RMI1: variants seen among roughly 807,000 people sequenced by gnomAD.
The protein encoded by RMI1 is RecQ mediated genome instability 1.
RMI1 carries 36 observed loss-of-function variants against 46.7 expected under a neutral mutation model. The ratio of observed to expected loss-of-function variants is 0.77; its 90% confidence interval spans 0.59 to 1.02. The LOEUF (loss-of-function observed/expected upper bound fraction) is 1.02, where lower values mean the gene tolerates loss of function less well. Ranked by LOEUF, RMI1 falls within the 50% of genes least tolerant of loss-of-function variation. RMI1 has a pLI of 0.00. For synonymous variants in RMI1, 250 were observed against 252.9 expected (o/e 0.99, Z 0.11); for missense variants, 676 against 713.7 (o/e 0.95, Z 0.60).
At chr9:83,999,183 T>A (rs200775948) in intron 1 of RMI1, among the ~76,000 whole-genome samples, 75 of 108,608 alleles carry the variant, frequency 6.9e-4, no homozygotes, top group South Asian at 5.7e-4. Flanking sequence ...TAGAATAAAA[T>A]AAAATAAAAA....
At position 84,002,969 on chromosome 9, in the gene RMI1, T is replaced by C. The variant is rs1395401781; in HGVS notation, c.*105T>C. 1.5e-6 allele frequency: 1 copy of C among 666,628 alleles called. No individual in the cohort carries two copies. The highest frequency in any genetic ancestry group is 2.8e-5 in the East Asian group (1 of 35,736). 41.3% of individuals were successfully genotyped at this position (666,628 alleles called of 1,614,324 possible). On this transcript the variant is annotated 3_prime_UTR_variant, in exon 3 of 3. Transcript: ENST00000445877. Reference sequence around the variant, plus strand: ...TTTGTGTAAAAAGGAAAAATGAAATTTCATAGCTTATTTCAGTTTAATTTT... The same window carrying C: ...TTTGTGTAAAAAGGAAAAATGAAATCTCATAGCTTATTTCAGTTTAATTTT...
At position 84,001,994 on chromosome 9, in the gene RMI1, G is replaced by C; in HGVS notation, c.1008G>C (p.Leu336Phe). Residue 336 changes from leucine (L) to phenylalanine (F), a missense_variant, in exon 3 of 3, where the codon TTG becomes TTC. Physicochemically the swap from Leu to Phe is conservative, Grantham distance 22 (BLOSUM62 0). Transcript: ENST00000445877. ...AAGAACAGATGGAAACTAAGGAATT[G>C]CAACCATTGACTTTTAACAGAAATG... ...VQKEQMETKE[L>F]QPLTFNRNAD... is the part of the protein sequence containing the mutation. 1 of 1,614,072 alleles carries C rather than the reference G, an allele frequency of 6.2e-7. No individual in the cohort carries two copies. The highest frequency in any genetic ancestry group is 1.1e-5 in the South Asian group (1 of 91,078).
chr9:83,990,720 T>A (rs927219880), intron 1 of RMI1, among the ~76,000 whole-genome samples: 2 of 152,350 alleles, frequency 1.3e-5, no homozygotes, highest in East Asian at 3.9e-4. Context: ...ATATCATGTG[T>A]ACTCCATATA....
At chr9:83,981,897 G>A (rs565444016) in intron 1 of RMI1, among the ~76,000 whole-genome samples, 39 of 152,278 alleles carry the variant, frequency 2.6e-4, no homozygotes, top group Non-Finnish European at 4.3e-4. Flanking sequence ...GCGCACTGAG[G>A]ATTTCATGAC....
intron 1 of RMI1, among the ~76,000 whole-genome samples, chr9:83,987,084 G>T (rs1207941752): frequency 1.3e-5 from 2 of 150,428 alleles, no homozygotes; most frequent in South Asian, 2.2e-4. Flanking sequence ...TTCGCTTTCC[G>T]ATGGAGTCTC....
intron 1 of RMI1, among the ~76,000 whole-genome samples, chr9:83,983,575 G>A (rs1244140750): frequency 1.3e-5 from 2 of 151,978 alleles, no homozygotes; most frequent in East Asian, 3.8e-4. Context: ...CACACGTAAG[G>A]TCCAAAAGGA....
intron 1 of RMI1, among the ~76,000 whole-genome samples, chr9:83,984,272 CTT>C (rs34730251): frequency 7.0e-6 from 1 of 143,064 alleles, no homozygotes; most frequent in Non-Finnish European, 1.5e-5. Flanking sequence ...ATGAACATAC[CTT>C]TTTTTTTTTT....
chr9:83,994,032 C>T (rs901382555), intron 1 of RMI1, among the ~76,000 whole-genome samples: 1 of 151,564 alleles, frequency 6.6e-6, no homozygotes, highest in African/African-American at 2.4e-5. Flanking sequence ...GATCCACCTG[C>T]CTCCGCCTCC....
chr9:84,001,334 T>A lies in RMI1; in HGVS notation c.348T>A (p.Val116=), dbSNP rs1399082103. The part of the protein sequence containing the change: ...LRGKNTTNDL[V]TAEAQVTPKP... ...GAAAGAATACAACAAATGATCTAGT[T>A]ACAGCTGAAGCACAAGTAACCCCAA... Residue 116 remains valine, a synonymous_variant, in exon 3 of 3, where the codon GTT becomes GTA. Transcript: ENST00000445877. The A allele has an allele frequency of 6.2e-7, 1 of 1,614,152 alleles. No individual in the cohort carries two copies. Among genetic ancestry groups the A allele is most frequent in the East Asian group, 2.2e-5 (1 of 44,878 alleles).
chr9:83,999,460 A>G (rs1032118035), intron 1 of RMI1, among the ~76,000 whole-genome samples: 8 of 152,222 alleles, frequency 5.3e-5, no homozygotes, highest in Non-Finnish European at 1.2e-4. Flanking sequence ...TTTATGATAT[A>G]GTCTAGCACC....
chr9:84,002,519 A>G lies in RMI1; in HGVS notation c.1533A>G (p.Lys511=). The part of the protein sequence containing the change: ...KPKEVTTVKV[K]AFIVTLTGNL... ...AGGAAGTTACAACAGTGAAAGTGAA[A>G]GCATTTATTGTAACCTTAACTGGAA... Residue 511 remains lysine (K), a synonymous_variant, in exon 3 of 3, where the codon AAA becomes AAG. Transcript: ENST00000445877. The G allele has an allele frequency of 1.2e-6, 2 of 1,614,026 alleles. No homozygotes were observed. Among genetic ancestry groups the G allele is most frequent in the Non-Finnish European group, 1.7e-6 (2 of 1,179,940 alleles).
intron 1 of RMI1, among the ~76,000 whole-genome samples, chr9:83,986,102 A>G (rs1030203538): frequency 6.6e-6 from 1 of 152,262 alleles, no homozygotes; most frequent in Non-Finnish European, 1.5e-5. Flanking sequence ...TTAGAATATC[A>G]GTTTGTAATA....
intron 1 of RMI1, among the ~76,000 whole-genome samples, chr9:83,986,642 T>G (rs1424084541): frequency 1.3e-5 from 2 of 152,234 alleles, no homozygotes; most frequent in Non-Finnish European, 2.9e-5. Flanking sequence ...AGAAGTACAT[T>G]TTTTATTGAT....
chr9:83,994,989 A>G (rs530003243), intron 1 of RMI1, among the ~76,000 whole-genome samples: 1 of 152,074 alleles, frequency 6.6e-6, no homozygotes, highest in Non-Finnish European at 1.5e-5. Flanking sequence ...TCTTGGAAAA[A>G]TTTCAACCAT....
intron 2 of RMI1, among the ~76,000 whole-genome samples, chr9:84,000,353 G>A (rs974220687): frequency 4.6e-5 from 7 of 151,992 alleles, no homozygotes; most frequent in African/African-American, 1.7e-4. Context: ...GTGCTGTTCC[G>A]AATAGTGTGA....
chr9:84,002,072 T>C lies in RMI1; in HGVS notation c.1086T>C (p.Phe362=), dbSNP rs1452238701. The part of the protein sequence containing the change: ...FSHNPNTTNN[F]SLTCKNGNNN... ...ATAATCCTAATACTACGAATAACTT[T>C]TCTTTGACTTGCAAAAATGGAAACA... is the stretch of plus-strand genomic sequence containing the variant. The change falls in exon 3 of 3, where the codon TTT becomes TTC. Residue 362 remains phenylalanine (F), a synonymous_variant. Transcript: ENST00000445877. 1 of 1,613,748 alleles carries C rather than the reference T, an allele frequency of 6.2e-7. No individual in the cohort carries two copies. Among genetic ancestry groups the C allele is most frequent in the Non-Finnish European group, 8.5e-7 (1 of 1,179,900 alleles).
intron 1 of RMI1, among the ~76,000 whole-genome samples, chr9:83,996,813 A>C (rs1339571509): frequency 1.3e-5 from 2 of 152,110 alleles, no homozygotes; most frequent in Non-Finnish European, 2.9e-5. Context: ...GGTGAAAGTG[A>C]AGGCAAAGCA....
At chr9:83,990,248 G>A (rs1391065522) in intron 1 of RMI1, among the ~76,000 whole-genome samples, 3 of 152,226 alleles carry the variant, frequency 2.0e-5, no homozygotes, top group Non-Finnish European at 2.9e-5. Flanking sequence ...CGGGCGCAGT[G>A]GCTCATGCCT....
In RMI1 at chr9:83,985,763, C is replaced by T. The variant is rs570274438; in HGVS notation, c.-126+4872C>T. Reference sequence around the variant, plus strand: ...GTGGCTCACGCCTGTAATCCCAGCACTTTGGGAGGCCGAGGCGGGTGGATC... The same window carrying T: ...GTGGCTCACGCCTGTAATCCCAGCATTTTGGGAGGCCGAGGCGGGTGGATC... On this transcript the variant is annotated intron_variant, in intron 1 of 2. Transcript: ENST00000445877. Among the ~76,000 whole-genome samples the T allele has an allele frequency of 6.4e-4, 97 of 152,330 alleles. 1 individual carries two copies. The highest frequency in any genetic ancestry group is 1.0e-3 in the Non-Finnish European group (69 of 68,036).
Sources: gnomAD v4.1 joint callset for allele counts (sites outside exome capture counted in the v4.1 genomes callset) on GRCh38, gnomAD v4.1.1 for gene constraint, MANE v1.5 for transcripts, NCBI Gene and HGNC (gene_info 2026-07-23, HGNC 2026-07-21) for gene names.